The following C14orf39 variants were observed in gnomAD, a reference collection of about 807,000 sequenced individuals.
The protein encoded by C14orf39 is chromosome 14 open reading frame 39.
A neutral mutation model predicts 85.6 loss-of-function variants in C14orf39; 66 were observed. That is an observed-to-expected ratio of 0.77 (90% CI 0.63 to 0.95). C14orf39 has a LOEUF of 0.95. Among genes scored for constraint, C14orf39 ranks in the 40% least tolerant of loss-of-function variants. The pLI, the probability that C14orf39 is intolerant of heterozygous loss-of-function variation, is 0.00. For synonymous variants in C14orf39, 242 were observed against 214.0 expected (o/e 1.13, Z -1.14); for missense variants, 735 against 663.9 (o/e 1.11, Z -1.18).
At chr14:60,457,148 A>T in intron 14 of C14orf39, 53 bp from the exon 15 acceptor site, 1 of 1,202,558 alleles carries the variant, frequency 8.3e-7, no homozygotes. Context: ...TGCATTAATG[A>T]CATACATAAA....
upstream of C14orf39, among the ~76,000 whole-genome samples, chr14:60,487,915 C>G (rs1892928550): frequency 6.6e-6 from 1 of 152,128 alleles, no homozygotes; most frequent in African/African-American, 2.4e-5. Context: ...TGCACATCTT[C>G]TTTTGAGCAA....
intron 11 of C14orf39, among the ~76,000 whole-genome samples, chr14:60,463,746 T>A (rs1891647704): frequency 6.6e-6 from 1 of 152,130 alleles, no homozygotes; most frequent in Non-Finnish European, 1.5e-5. Flanking sequence ...AAAATAGCAC[T>A]TTTTAGAATT....
At chr14:60,508,481 C>G (rs1893238175) in intron 1 of C14orf39, among the ~76,000 whole-genome samples, 1 of 152,166 alleles carries the variant, frequency 6.6e-6, no homozygotes, top group Non-Finnish European at 1.5e-5. Flanking sequence ...CGTTATCAGA[C>G]GTGAACATGT....
chr14:60,485,227 T>C (rs1011676047), intron 1 of C14orf39, 141 bp from the exon 2 acceptor site: 81 of 701,712 alleles, frequency 1.2e-4, no homozygotes, highest in East Asian at 2.9e-5. Context: ...AGAGGCCCCC[T>C]TGAGCCCATG....
intron 2 of C14orf39, chr14:60,495,535 G>T: frequency 4.7e-6 from 1 of 213,700 alleles, no homozygotes. Context: ...TTCATCTATG[G>T]GGACAGGTAC....
intron 1 of C14orf39, among the ~76,000 whole-genome samples, chr14:60,503,258 T>C (rs1893167407): frequency 6.6e-6 from 1 of 152,202 alleles, no homozygotes; most frequent in African/African-American, 2.4e-5. Flanking sequence ...GACACATTTT[T>C]GATTCAAGGG....
intron 15 of C14orf39, among the ~76,000 whole-genome samples, chr14:60,455,850 GCA>G (rs1891248601): frequency 6.6e-6 from 1 of 152,086 alleles, no homozygotes; most frequent in African/African-American, 2.4e-5. Context: ...GCAGTGCCTT[GCA>G]CAGTTTGTTG....
At chr14:60,455,977 G>A (rs935670244) in intron 15 of C14orf39, among the ~76,000 whole-genome samples, 16 of 152,040 alleles carry the variant, frequency 1.1e-4, no homozygotes, top group African/African-American at 2.4e-4. Flanking sequence ...AGGTCTTAGC[G>A]TATGAGCTCA....
intron 4 of C14orf39, among the ~76,000 whole-genome samples, chr14:60,482,944 C>A (rs1475512956): frequency 1.3e-5 from 2 of 149,228 alleles, no homozygotes; most frequent in Non-Finnish European, 1.5e-5. Context: ...TCTTCAAGAT[C>A]TAAAAGGATG....
At chr14:60,455,938 C>T (rs1891254945) in intron 15 of C14orf39, among the ~76,000 whole-genome samples, 1 of 152,110 alleles carries the variant, frequency 6.6e-6, no homozygotes, top group South Asian at 2.1e-4. Flanking sequence ...CTTAACTTTA[C>T]AGATGATAGT....
Position 60,458,671 on chromosome 14 carries a change from GACTT to G in C14orf39, c.1179+3_1179+6del. ...CTTAGAAATTAGAGATCAAACATTTGACTTACTTGTGAAGTACATTTTGATTCTC... is the reference window on the plus strand; with the variant it reads ...CTTAGAAATTAGAGATCAAACATTTGACTTGTGAAGTACATTTTGATTCTC... On this transcript the variant is annotated splice_donor_5th_base_variant and intron_variant, in intron 14 of 17. Transcript: ENST00000321731. The G allele has an allele frequency of 1.9e-6, 3 of 1,583,820 alleles. No homozygotes were observed. Among genetic ancestry groups the G allele is most frequent in the Non-Finnish European group, 2.6e-6 (3 of 1,160,764 alleles).
intron 2 of C14orf39, chr14:60,496,102 G>T (rs1566687585): frequency 1.5e-6 from 1 of 645,982 alleles, no homozygotes; most frequent in Non-Finnish European, 2.7e-6. Flanking sequence ...TTCTGACTGA[G>T]CAAAGCCACA....
At chr14:60,478,720 C>T (rs1341652823) in intron 4 of C14orf39, among the ~76,000 whole-genome samples, 2 of 152,100 alleles carry the variant, frequency 1.3e-5, no homozygotes, top group Non-Finnish European at 2.9e-5. Context: ...ATCAGCCTTT[C>T]TTTCTCATTA....
In C14orf39 at chr14:60,471,411, G is replaced by A; in HGVS notation, c.554+6C>T. On this transcript the variant is annotated splice_donor_region_variant and intron_variant, in intron 7 of 17. Transcript: ENST00000321731. ...AAATTATAAGTACAAATACTATTGT[G>A]GATACATGTTTAAAGTCCATTTAGT... 1 of 1,579,362 alleles carries A rather than the reference G, an allele frequency of 6.3e-7. No homozygotes were observed. Among genetic ancestry groups the A allele is most frequent in the Non-Finnish European group, 8.6e-7 (1 of 1,159,738 alleles).
intron 16 of C14orf39, among the ~76,000 whole-genome samples, chr14:60,447,234 C>T (rs1419914752): frequency 3.9e-5 from 6 of 152,380 alleles, no homozygotes; most frequent in Non-Finnish European, 8.8e-5. Context: ...AAAGGGTATT[C>T]GAATAGGAAA....
Position 60,491,257 on chromosome 14 carries a change from A to G in C14orf39, c.-8-6171T>C, listed in dbSNP as rs1892984690. On this transcript the variant is annotated intron_variant, in intron 2 of 5. Transcript: ENST00000556799. This position sits in a 1 kb window ranked among gnomAD's most constrained non-coding sequence, Gnocchi z 4.5. ...CAGATTCAGTGTCTGGTAAGGGCAC[A>G]CTCTTTGCTTCCAAAATGGTGTCTT... Among the ~76,000 whole-genome samples the G allele has an allele frequency of 6.6e-6, 1 of 152,138 alleles. No homozygotes were observed. The highest frequency in any genetic ancestry group is 1.5e-5 in the Non-Finnish European group (1 of 68,020).
intron 4 of C14orf39, among the ~76,000 whole-genome samples, chr14:60,481,018 G>C (rs1892613297): frequency 6.6e-6 from 1 of 151,934 alleles, no homozygotes; most frequent in Non-Finnish European, 1.5e-5. Context: ...AGTTGGAGTG[G>C]AGGAAAAAAA....
intron 5 of C14orf39, 32 bp downstream of exon 5, chr14:60,478,268 T>C (rs745818418): frequency 5.5e-5 from 61 of 1,118,808 alleles, no homozygotes; most frequent in Non-Finnish European, 6.7e-5. Context: ...TACAAACTTA[T>C]AGAATTGATA....
chr14:60,452,066 A>G (rs967984069), intron 16 of C14orf39, among the ~76,000 whole-genome samples: 2 of 151,238 alleles, frequency 1.3e-5, no homozygotes, highest in Non-Finnish European at 2.9e-5. Context: ...ACACGCCTAT[A>G]GTCCCAGCTA....
Sources: gnomAD v4.1 joint callset for allele counts (sites outside exome capture counted in the v4.1 genomes callset) on GRCh38, gnomAD v4.1.1 for gene constraint, Gnocchi (gnomAD v3.1) non-coding constraint, MANE v1.5 for transcripts, NCBI Gene and HGNC (gene_info 2026-07-23, HGNC 2026-07-21) for gene names.